Variants in TRIM24 observed in about 807,000 individuals in gnomAD.
TRIM24 encodes tripartite motif containing 24, also known as transcription intermediary factor 1-alpha.
TRIM24 carries 29 observed loss-of-function variants against 123.9 expected under a neutral mutation model. That is an observed-to-expected ratio of 0.23 (90% CI 0.17 to 0.32). TRIM24 has a LOEUF of 0.32. TRIM24 is among the 10% of genes least tolerant of loss of function. TRIM24 has a pLI of 1.00. For missense variants in TRIM24, 932 were observed against 1,295.3 expected (o/e 0.72, Z 4.31); for synonymous variants, 456 against 461.1 (o/e 0.99, Z 0.14).
At chr7:138,481,748 G>T (rs1431558460) in intron 1 of TRIM24, among the ~76,000 whole-genome samples, 2 of 151,868 alleles carry the variant, frequency 1.3e-5, no homozygotes, top group Non-Finnish European at 2.9e-5. Flanking sequence ...GAGGACCCAG[G>T]GCTGCAGTGA....
chr7:138,494,964 A>G (rs1795870370), intron 1 of TRIM24, among the ~76,000 whole-genome samples: 1 of 152,228 alleles, frequency 6.6e-6, no homozygotes, highest in Admixed American at 6.5e-5. Context: ...ATGTGAGGAA[A>G]AAAAGAATGC....
In TRIM24 at chr7:138,519,204, C is replaced by T. The variant is rs752482068; in HGVS notation, c.647C>T (p.Thr216Ile). The T allele has an allele frequency of 6.2e-7, 1 of 1,614,098 alleles. No individual in the cohort carries two copies. Among genetic ancestry groups the T allele is most frequent in the Admixed American group, 1.7e-5 (1 of 60,024 alleles). ...EEVSPEAVGV[T>I]SQRPVFCPFH... ...GTTTCTGCAGAGGCAGTTGGTGTCA[C>T]CAGCCAGCGACCAGTGTTTTGTCCT... Residue 216 changes from threonine to isoleucine, a missense_variant, in exon 4 of 19, where the codon ACC (threonine) becomes ATC (isoleucine). By Grantham distance (89) the Thr-to-Ile change is moderately conservative. Coordinates refer to ENST00000343526, the MANE Select transcript of TRIM24 (RefSeq NM_015905.3).
At chr7:138,492,114 T>TA (rs569482333) in intron 1 of TRIM24, among the ~76,000 whole-genome samples, 1 of 151,348 alleles carries the variant, frequency 6.6e-6, no homozygotes, top group African/African-American at 2.4e-5. Flanking sequence ...ACAATGTAAG[T>TA]AAAAAAATTT....
At chr7:138,540,536 T>A (rs1796981925) in intron 7 of TRIM24, among the ~76,000 whole-genome samples, 1 of 152,230 alleles carries the variant, frequency 6.6e-6, no homozygotes, top group Non-Finnish European at 1.5e-5. Flanking sequence ...ATCATAGGAT[T>A]GCAGCAATTC....
chr7:138,562,230 G>A (rs1584739978), intron 9 of TRIM24, among the ~76,000 whole-genome samples: 1 of 152,258 alleles, frequency 6.6e-6, no homozygotes, highest in Non-Finnish European at 1.5e-5. Flanking sequence ...TTTAAAGATT[G>A]TGGGAGATTT....
intron 6 of TRIM24, among the ~76,000 whole-genome samples, chr7:138,530,654 G>T (rs1041861080): frequency 2.6e-5 from 4 of 151,758 alleles, no homozygotes; most frequent in East Asian, 1.9e-4. Flanking sequence ...TTTTTAAGAG[G>T]GGGGGTTTTG....
At chr7:138,471,671 G>T (rs187683826) in intron 1 of TRIM24, among the ~76,000 whole-genome samples, 2 of 151,962 alleles carry the variant, frequency 1.3e-5, no homozygotes, top group Non-Finnish European at 2.9e-5. Flanking sequence ...CTCCCCAACA[G>T]CTGGGATTAC....
chr7:138,529,358 C>T (rs573187029), intron 6 of TRIM24, 128 bp downstream of exon 6: 2 of 461,066 alleles, frequency 4.3e-6, no homozygotes, highest in African/African-American at 2.0e-5. Flanking sequence ...TTCCCACTCC[C>T]AAGTTTTCCT....
chr7:138,522,600 G>T (rs887870638), intron 4 of TRIM24, among the ~76,000 whole-genome samples: 4 of 151,980 alleles, frequency 2.6e-5, no homozygotes, highest in Non-Finnish European at 4.4e-5. Context: ...TGAGACAAAT[G>T]ATATAATTAA....
chr7:138,552,489 CAA>C (rs990475781), intron 8 of TRIM24, among the ~76,000 whole-genome samples: 3 of 151,890 alleles, frequency 2.0e-5, no homozygotes, highest in African/African-American at 7.3e-5. Context: ...ACTATACAAA[CAA>C]ATTTAAGAAT....
At chr7:138,535,489 A>G (rs1475052050) in intron 6 of TRIM24, among the ~76,000 whole-genome samples, 1 of 152,112 alleles carries the variant, frequency 6.6e-6, no homozygotes, top group Non-Finnish European at 1.5e-5. Flanking sequence ...TAGTTTGGCT[A>G]GATATGAAAT....
intron 3 of TRIM24, 33 bp from the exon 4 acceptor site, chr7:138,519,156 T>C: frequency 6.2e-7 from 1 of 1,613,660 alleles, no homozygotes; most frequent in Non-Finnish European, 8.5e-7. Flanking sequence ...ATTATGTTAA[T>C]TTTCTTCTCT....
chr7:138,474,265 A>G (rs1795348850), intron 1 of TRIM24, among the ~76,000 whole-genome samples: 1 of 151,768 alleles, frequency 6.6e-6, no homozygotes, highest in Admixed American at 6.6e-5. Flanking sequence ...AGCTGGGACT[A>G]CAGGCGTCCG....
intron 9 of TRIM24, among the ~76,000 whole-genome samples, chr7:138,567,235 T>G (rs1461762284): frequency 1.3e-5 from 2 of 152,194 alleles, no homozygotes; most frequent in African/African-American, 4.8e-5. Flanking sequence ...TACAATCTAC[T>G]TACAAAATCT....
At chr7:138,558,674 T>C (rs1322927541) in intron 9 of TRIM24, among the ~76,000 whole-genome samples, 1 of 152,234 alleles carries the variant, frequency 6.6e-6, no homozygotes, top group African/African-American at 2.4e-5. Context: ...AGGTTTTCTT[T>C]ATAATATACA....
At chr7:138,521,309 T>C (rs1796499738) in intron 4 of TRIM24, among the ~76,000 whole-genome samples, 1 of 152,218 alleles carries the variant, frequency 6.6e-6, no homozygotes, top group Non-Finnish European at 1.5e-5. Context: ...CGTATATGTA[T>C]ATCACATAGC....
intron 13 of TRIM24, 95 bp downstream of exon 13, chr7:138,576,540 G>T: frequency 3.0e-6 from 3 of 1,006,872 alleles, no homozygotes; most frequent in South Asian, 3.6e-5. Flanking sequence ...AATATATTTT[G>T]AACAATTTCC....
Position 138,481,964 on chromosome 7 carries a change from G to A in TRIM24, c.364+21052G>A, listed in dbSNP as rs540135023. On this transcript the variant is annotated intron_variant, in intron 1 of 18. Coordinates refer to ENST00000343526, the MANE Select transcript of TRIM24 (RefSeq NM_015905.3). The stretch of plus-strand genomic sequence containing the variant: ...TACCTGCTATCCAAGCCCCATTAGC[G>A]GAAAATAGTACCATTCTTTTCCCAG... Among the ~76,000 whole-genome samples, 5 of 152,216 alleles carry A rather than the reference G, an allele frequency of 3.3e-5. No homozygotes were observed. The South Asian group carries it at 1.0e-3, about 32-fold the overall frequency.
rs1315392696 is a variant in TRIM24, at chr7:138,587,475, C to T, written c.*2524C>T. On this transcript the variant is annotated 3_prime_UTR_variant, in exon 19 of 19. Coordinates refer to ENST00000343526, the MANE Select transcript of TRIM24 (RefSeq NM_015905.3). ...CCCAGGTGGATCTCAGCTAAGTCAT[C>T]CTTAAATTCTGTTCAAATAGAAATA... The T allele has an allele frequency of 6.6e-6, 1 of 152,176 alleles. No homozygotes were observed. The allele number at this position is 152,176 out of a possible 1,614,324, so 9.4% of individuals were successfully genotyped here.
Sources: gnomAD v4.1 joint callset for allele counts (sites outside exome capture counted in the v4.1 genomes callset) on GRCh38, gnomAD v4.1.1 for gene constraint, MANE v1.5 for transcripts, NCBI Gene and HGNC (gene_info 2026-07-23, HGNC 2026-07-21) for gene names.